The following NRG3 variants were observed in gnomAD, a reference collection of about 807,000 sequenced individuals.
The protein encoded by NRG3 is pro-neuregulin-3, membrane-bound isoform.
NRG3 carries 31 observed loss-of-function variants against 66.9 expected under a neutral mutation model. That is an observed-to-expected ratio of 0.46 (90% CI 0.35 to 0.63). The LOEUF (loss-of-function observed/expected upper bound fraction) is 0.63. Ranked by LOEUF, NRG3 falls within the 20% of genes least tolerant of loss-of-function variation. The probability of loss-of-function intolerance (pLI) is 0.00; values close to 1 mark genes in which losing one functional copy is unlikely to be tolerated. For missense variants in NRG3, 910 were observed against 878.9 expected (o/e 1.04, Z -0.45); for synonymous variants, 393 against 359.4 (o/e 1.09, Z -1.06).
chr10:82,533,532 A>G (rs1251755996), intron 2 of NRG3, among the ~76,000 whole-genome samples: 1 of 151,834 alleles, frequency 6.6e-6, no homozygotes, highest in African/African-American at 2.4e-5. Context: ...TTCCAACACT[A>G]TTTGTTAAAA....
intron 1 of NRG3, among the ~76,000 whole-genome samples, chr10:82,077,789 T>C (rs890987660): frequency 1.1e-4 from 17 of 152,252 alleles, no homozygotes; most frequent in Non-Finnish European, 1.9e-4. Context: ...TTTTGTTTAT[T>C]GAGACTATGT....
intron 1 of NRG3, among the ~76,000 whole-genome samples, chr10:82,346,197 G>A (rs1011592646): frequency 1.0e-4 from 15 of 148,484 alleles, no homozygotes; most frequent in African/African-American, 3.3e-4. Flanking sequence ...TATTGGCTGT[G>A]GGTTTGTCAT....
chr10:82,874,396 C>CT (rs1196427274), intron 4 of NRG3, among the ~76,000 whole-genome samples: 2 of 147,078 alleles, frequency 1.4e-5, no homozygotes, highest in Middle Eastern at 3.6e-3. Context: ...ACTGAGGATT[C>CT]TTTTTTCCTA....
intron 1 of NRG3, among the ~76,000 whole-genome samples, chr10:82,055,613 T>C (rs10884099): frequency 0.89 from 135,556 of 152,180 alleles, 60,804 homozygotes; most frequent in Middle Eastern, 0.98. Flanking sequence ...CTAATTGTTT[T>C]GAGGATTTTT....
intron 1 of NRG3, among the ~76,000 whole-genome samples, chr10:81,923,831 AC>A (rs1846502107): frequency 6.6e-6 from 1 of 151,818 alleles, no homozygotes; most frequent in African/African-American, 2.4e-5. Flanking sequence ...ATGTTTGGAA[AC>A]CCACCTTGTT....
intron 1 of NRG3, among the ~76,000 whole-genome samples, chr10:81,932,698 A>G (rs1847488209): frequency 6.6e-6 from 1 of 152,206 alleles, no homozygotes; most frequent in Non-Finnish European, 1.5e-5. Context: ...TGAAAATATT[A>G]TAGATCACAT....
At chr10:82,293,731 C>T (rs1452388953) in intron 1 of NRG3, among the ~76,000 whole-genome samples, 2 of 151,934 alleles carry the variant, frequency 1.3e-5, no homozygotes, top group Non-Finnish European at 2.9e-5. Flanking sequence ...TTAGAAGCTG[C>T]CTTAAATCTC....
At chr10:82,037,854 A>G (rs1030266665) in intron 1 of NRG3, among the ~76,000 whole-genome samples, 1 of 151,974 alleles carries the variant, frequency 6.6e-6, no homozygotes, top group Admixed American at 6.6e-5. Flanking sequence ...TAGTGTGTGT[A>G]TGCCATGTTT....
chr10:81,902,344 C>T (rs1844159020), intron 1 of NRG3, among the ~76,000 whole-genome samples: 1 of 152,096 alleles, frequency 6.6e-6, no homozygotes, highest in Non-Finnish European at 1.5e-5. Flanking sequence ...TTATGTGTTC[C>T]CTCATCCCCT....
At chr10:81,895,444 C>T (rs1843429034) in intron 1 of NRG3, among the ~76,000 whole-genome samples, 1 of 152,180 alleles carries the variant, frequency 6.6e-6, no homozygotes, top group South Asian at 2.1e-4. Flanking sequence ...AAGGGAACCC[C>T]TACCAATTTA....
chr10:82,744,857 T>C (rs1207856269), intron 3 of NRG3, among the ~76,000 whole-genome samples: 2 of 152,170 alleles, frequency 1.3e-5, no homozygotes, highest in Non-Finnish European at 2.9e-5. Context: ...GAGCATGTCA[T>C]GCTTGGGACA....
chr10:82,961,205 G>C (rs1850605871), intron 6 of NRG3, among the ~76,000 whole-genome samples: 1 of 152,144 alleles, frequency 6.6e-6, no homozygotes, highest in African/African-American at 2.4e-5. Flanking sequence ...ACGTAATAAG[G>C]TGAAAAGTTT....
chr10:82,703,854 C>T (rs1392954773), intron 2 of NRG3, among the ~76,000 whole-genome samples: 1 of 152,040 alleles, frequency 6.6e-6, no homozygotes, highest in East Asian at 1.9e-4. Flanking sequence ...TGTTTAGGCA[C>T]CCAGAACTGG....
At chr10:81,878,080 T>C (rs1175182358) in intron 1 of NRG3, 19 of 1,534,222 alleles carry the variant, frequency 1.2e-5, no homozygotes, top group Admixed American at 2.0e-5. Flanking sequence ...CGGAGGTCTT[T>C]AAAGAAAAGC....
In NRG3 at chr10:82,280,441, A is replaced by C. The variant is rs113776538; in HGVS notation, c.824-78298A>C. ...ATCCCCTTTTGGAAGACTTTGTCCT[A>C]AATGCTTATTCATTATACCCTACAG... On this transcript the variant is annotated intron_variant, in intron 1 of 8. Coordinates refer to ENST00000372141, the MANE Select transcript of NRG3 (RefSeq NM_001010848.4). Among the ~76,000 whole-genome samples the C allele has an allele frequency of 8.3e-3, 1,270 of 152,292 alleles. 12 individuals are homozygous for C. Among genetic ancestry groups the C allele is most frequent in the African/African-American group, 0.029 (1,208 of 41,560 alleles).
intron 2 of NRG3, among the ~76,000 whole-genome samples, chr10:82,662,361 A>G (rs1017495344): frequency 7.4e-6 from 1 of 135,804 alleles, no homozygotes; most frequent in Non-Finnish European, 1.5e-5. Flanking sequence ...AGACTCTTTT[A>G]AAAAAAAAAA....
Position 82,209,617 on chromosome 10 carries a change from A to T in NRG3, c.824-149122A>T, listed in dbSNP as rs77186505. 5.0e-4 allele frequency among the ~76,000 whole-genome samples: 76 copies of T among 152,296 alleles called. No individual in the cohort carries two copies. In the East Asian group the frequency reaches 0.012, roughly 24 times the overall value. Reference sequence around the variant, plus strand: ...TGAGGTCTGGCTATTAGAGCCATATAATGATGGGTAAGTATTTTGTTTTCT... The same window carrying T: ...TGAGGTCTGGCTATTAGAGCCATATTATGATGGGTAAGTATTTTGTTTTCT... On this transcript the variant is annotated intron_variant, in intron 1 of 8. Transcript: ENST00000372141.
At chr10:82,206,722 A>C (rs1160797830) in intron 1 of NRG3, among the ~76,000 whole-genome samples, 2 of 152,186 alleles carry the variant, frequency 1.3e-5, no homozygotes, top group Non-Finnish European at 2.9e-5. Flanking sequence ...CTTTACACCA[A>C]GCTACATATT....
intron 2 of NRG3, among the ~76,000 whole-genome samples, chr10:82,707,256 T>C (rs2056364582): frequency 6.6e-6 from 1 of 151,838 alleles, no homozygotes; most frequent in South Asian, 2.1e-4. Flanking sequence ...TCACAGTGTA[T>C]GGATTTTTTT....
Sources: gnomAD v4.1 joint callset for allele counts (sites outside exome capture counted in the v4.1 genomes callset) on GRCh38, gnomAD v4.1.1 for gene constraint, MANE v1.5 for transcripts, NCBI Gene and HGNC (gene_info 2026-07-23, HGNC 2026-07-21) for gene names.